CACNB1: variants seen among roughly 807,000 people sequenced by gnomAD.
The protein encoded by CACNB1 is voltage-dependent L-type calcium channel subunit beta-1.
CACNB1 carries 29 observed loss-of-function variants against 71.6 expected under a neutral mutation model. The ratio of observed to expected loss-of-function variants is 0.40; its 90% CI spans 0.30 to 0.55. CACNB1 has a LOEUF of 0.55. CACNB1 is among the 20% of genes least tolerant of loss of function. CACNB1 has a pLI of 0.38. For missense variants in CACNB1, 623 were observed against 801.8 expected, an observed-to-expected ratio of 0.78 and a Z score of 2.69; for synonymous variants, 300 against 319.6, an observed-to-expected ratio of 0.94 and a Z score of 0.65.
intron 11 of CACNB1, among the ~76,000 whole-genome samples, chr17:39,180,188 G>A (rs1385747969): frequency 6.6e-6 from 1 of 151,688 alleles, no homozygotes; most frequent in African/African-American, 2.4e-5. Flanking sequence ...CTTGAACTAG[G>A]GAGGCAGAGG....
intron 12 of CACNB1, among the ~76,000 whole-genome samples, 193 bp downstream of exon 12, chr17:39,177,790 AC>A (rs2045625306): frequency 6.6e-6 from 1 of 152,270 alleles, no homozygotes; most frequent in African/African-American, 2.4e-5. Flanking sequence ...TTGACTCTCC[AC>A]GCAGAAGGGT....
At position 39,186,381 on chromosome 17, in the gene CACNB1, T is replaced by C. The variant is rs1304579265; in HGVS notation, c.628+115A>G. On this transcript the variant is annotated intron_variant, in intron 6 of 13. Coordinates refer to ENST00000394303, the MANE Select transcript of CACNB1 (RefSeq NM_000723.5). This position sits in a 1 kb window ranked among gnomAD's most constrained non-coding sequence, Gnocchi z 4.1. ...TGGAGGGGGAACCACTGCATGTGCT[T>C]GGGGGACTCAGGATTGGGGTGTTTC... 26 of 749,950 alleles carry C rather than the reference T, an allele frequency of 3.5e-5. No homozygotes were observed. The highest frequency in any genetic ancestry group is 5.6e-5 in the Non-Finnish European group (25 of 449,522). The allele number at this position is 749,950 out of a possible 1,614,324, so 46.5% of individuals were successfully genotyped here.
chr17:39,185,181 G>C (rs781284215), intron 6 of CACNB1, 31 bp from the exon 7 acceptor site: 30 of 1,606,080 alleles, frequency 1.9e-5, no homozygotes, highest in Middle Eastern at 1.6e-4. Flanking sequence ...GAGAGGGAAG[G>C]GGGAGGAGAG....
rs2045607470 is a variant in CACNB1 at position 39,177,332 on chromosome 17, C to T, written c.1332+18G>A. 2 of 1,612,288 alleles carry T rather than the reference C, an allele frequency of 1.2e-6. No individual in the cohort carries two copies. Among genetic ancestry groups the T allele is most frequent in the South Asian group, 1.1e-5 (1 of 90,602 alleles). ...CCCAGAAGCCGAGGTTTCTCCTGAG[C>T]GAGGTGAGCACCTGTACCTGGAGGT... is the stretch of plus-strand genomic sequence containing the variant. On this transcript the variant is annotated intron_variant, in intron 13 of 13. Coordinates refer to ENST00000394303, the MANE Select transcript of CACNB1 (RefSeq NM_000723.5).
At chr17:39,191,014 C>G (rs912846053) in intron 3 of CACNB1, among the ~76,000 whole-genome samples, 3 of 151,746 alleles carry the variant, frequency 2.0e-5, no homozygotes, top group South Asian at 2.1e-4. Flanking sequence ...ACCATCCTGG[C>G]TAACATGGTG....
chr17:39,178,484 G>A (rs774498329), intron 11 of CACNB1, among the ~76,000 whole-genome samples: 4 of 151,302 alleles, frequency 2.6e-5, no homozygotes, highest in Admixed American at 1.3e-4. Context: ...GGGCTCAAGC[G>A]AGCCCCCAGC....
Position 39,175,181 on chromosome 17 carries a change from G to A in CACNB1, c.*12C>T. ...CTCAGAGCCCTTCCTCCCGCCGTGT[G>A]GCCCCTGCCTCTCAGCGAATGTAGA... On this transcript the variant is annotated 3_prime_UTR_variant, in exon 14 of 14. Coordinates refer to ENST00000394303, the MANE Select transcript of CACNB1 (RefSeq NM_000723.5). The surrounding 1 kb of genome is among the most constrained non-coding windows in gnomAD (Gnocchi z 4.7). The A allele has an allele frequency of 6.3e-7, 1 of 1,594,760 alleles. No individual in the cohort carries two copies.
In CACNB1 at chr17:39,183,769, G is replaced by A. The variant is rs757052162; in HGVS notation, c.994C>T (p.Leu332=). Residue 332 remains leucine, a synonymous_variant, in exon 11 of 14, where the codon CTG becomes TTG. Transcript: ENST00000394303. ...ATGGGGGCCAGCGAGGTCTTGGACA[G>A]CTGGGCTGGGTGATTGATGGTGTCA... ...DADTINHPAQ[L]SKTSLAPIIV... 10 of 1,613,774 alleles carry A rather than the reference G, an allele frequency of 6.2e-6. No homozygotes were observed. In the East Asian group the frequency reaches 2.0e-4, roughly 32 times the overall value.
chr17:39,178,499 C>G (rs1288527077), intron 11 of CACNB1, among the ~76,000 whole-genome samples: 1 of 151,882 alleles, frequency 6.6e-6, no homozygotes, highest in Non-Finnish European at 1.5e-5. Context: ...CCCAGCCTAG[C>G]CTCCTCAGTA....
chr17:39,187,647 C>G (rs1416851201), intron 3 of CACNB1, 46 bp from the exon 4 acceptor site: 1 of 1,607,648 alleles, frequency 6.2e-7, no homozygotes, highest in Non-Finnish European at 8.5e-7. Context: ...GGGCAAACCA[C>G]AATGTAATGT....
chr17:39,195,132 G>C, intron 1 of CACNB1, 162 bp from the exon 2 acceptor site: 1 of 579,124 alleles, frequency 1.7e-6, no homozygotes, highest in Non-Finnish European at 3.1e-6. Flanking sequence ...CAAGGGGAGG[G>C]AGGGTCTCCC....
intron 3 of CACNB1, among the ~76,000 whole-genome samples, chr17:39,190,422 AATTT>A (rs1299899384): frequency 3.9e-5 from 6 of 152,130 alleles, no homozygotes; most frequent in African/African-American, 1.4e-4. Context: ...TAAATATTTA[AATTT>A]ATTTATTATT....
In CACNB1 at chr17:39,177,055, C is replaced by T. The variant is rs910468603; in HGVS notation, c.1332+295G>A. On this transcript the variant is annotated intron_variant, in intron 13 of 13. Transcript: ENST00000394303. ...ATCAGGCCTCATATCCAGCGGGCAG[C>T]AGATGCGCTCCTATGGCACCAGGCC... The T allele has an allele frequency of 1.7e-5, 22 of 1,306,450 alleles. No individual in the cohort carries two copies. The African/African-American group carries it at 3.1e-4, about 19-fold the overall frequency. The allele number at this position is 1,306,450 out of a possible 1,614,324, so 80.9% of individuals were successfully genotyped here. A position where few individuals can be genotyped will look rare whatever the true frequency, so the allele number is the denominator to read the frequency against.
rs1199037058 is a variant in CACNB1 at position 39,186,182 on chromosome 17, T to C, written c.628+314A>G. 9.6e-6 allele frequency: 12 copies of C among 1,254,264 alleles called. No individual in the cohort carries two copies. The highest frequency in any genetic ancestry group is 1.2e-6 in the Non-Finnish European group (1 of 866,956). 77.7% of individuals were successfully genotyped at this position (1,254,264 alleles called of 1,614,324 possible). ...AGTGAGATGAACGTGGAGACACAAG[T>C]ACAGAACGCAGGGATGGGGATGGGG... On this transcript the variant is annotated intron_variant, in intron 6 of 13. Coordinates refer to ENST00000394303, the MANE Select transcript of CACNB1 (RefSeq NM_000723.5). The surrounding 1 kb of genome is among the most constrained non-coding windows in gnomAD (Gnocchi z 4.1).
At chr17:39,189,494 CTGTTT>C (rs887165516) in intron 3 of CACNB1, among the ~76,000 whole-genome samples, 2 of 151,726 alleles carry the variant, frequency 1.3e-5, no homozygotes, top group Admixed American at 1.3e-4. Flanking sequence ...GAGATCCTGT[CTGTTT>C]TGTTTTGTTT....
At chr17:39,187,245 C>G (rs1388239927) in intron 4 of CACNB1, 1 of 612,416 alleles carries the variant, frequency 1.6e-6, no homozygotes, top group Non-Finnish European at 2.9e-6. Context: ...CCCTGGCACA[C>G]CGCCATGCCA....
intron 8 of CACNB1, 129 bp downstream of exon 8, chr17:39,184,655 G>A (rs2045885291): frequency 2.8e-6 from 2 of 710,028 alleles, no homozygotes; most frequent in Admixed American, 4.6e-5. Flanking sequence ...GCCCCCTGGG[G>A]GTTGTCTCTG....
At chr17:39,191,019 A>C (rs1039685665) in intron 3 of CACNB1, among the ~76,000 whole-genome samples, 18 of 151,764 alleles carry the variant, frequency 1.2e-4, no homozygotes, top group Non-Finnish European at 1.0e-4. Flanking sequence ...CCTGGCTAAC[A>C]TGGTGAAACC....
chr17:39,177,751 A>T (rs1265366539), intron 12 of CACNB1, among the ~76,000 whole-genome samples: 2 of 152,152 alleles, frequency 1.3e-5, no homozygotes, highest in Non-Finnish European at 2.9e-5. Flanking sequence ...CATTCTAGAG[A>T]TAAGGCAACC....
Sources: gnomAD v4.1 joint callset for allele counts (sites outside exome capture counted in the v4.1 genomes callset) on GRCh38, gnomAD v4.1.1 for gene constraint, Gnocchi (gnomAD v3.1) non-coding constraint, MANE v1.5 for transcripts, NCBI Gene and HGNC (gene_info 2026-07-23, HGNC 2026-07-21) for gene names.